Variants in SLC13A4 observed in about 807,000 individuals in gnomAD.
SLC13A4 encodes Na(+)/sulfate cotransporter SUT-1.
A neutral mutation model predicts 72.7 loss-of-function variants in SLC13A4; 28 were observed. The observed-to-expected ratio is 0.39, with a 90% CI of 0.29 to 0.53. The LOEUF (loss-of-function observed/expected upper bound fraction) is 0.53, where lower values mean the gene tolerates loss of function less well. Among genes scored for constraint, SLC13A4 ranks in the 20% least tolerant of loss-of-function variants. The pLI is 0.78. For synonymous variants in SLC13A4, 312 were observed against 325.5 expected, an observed-to-expected ratio of 0.96 and a Z score of 0.45; for missense variants, 653 against 788.0, an observed-to-expected ratio of 0.83 and a Z score of 2.05.
rs1028948078 is a variant in SLC13A4, at chr7:135,727,556, G to A, written c.-60C>T. The stretch of plus-strand genomic sequence containing the variant: ...CCGCTCTGCCGGCGAAAGGCTTCCT[G>A]CCTGGGCACTGCTCTCTATCCAGAA... On this transcript the variant is annotated 5_prime_UTR_variant, in exon 1 of 16. Transcript: ENST00000682651. 5 of 1,515,976 alleles carry A rather than the reference G, an allele frequency of 3.3e-6. No individual in the cohort carries two copies. The highest frequency in any genetic ancestry group is 3.4e-4 in the Middle Eastern group (2 of 5,880). 93.9% of individuals were successfully genotyped at this position (1,515,976 alleles called of 1,614,324 possible). A position where few individuals can be genotyped will look rare whatever the true frequency, so the allele number is the denominator to read the frequency against.
intron 14 of SLC13A4, among the ~76,000 whole-genome samples, chr7:135,684,630 G>A (rs1217564041): frequency 6.7e-6 from 1 of 148,780 alleles, no homozygotes; most frequent in African/African-American, 2.5e-5. Context: ...CAGTCTTAGG[G>A]TACAGAACTA....
At chr7:135,684,663 T>G (rs1488050170) in intron 14 of SLC13A4, among the ~76,000 whole-genome samples, 1 of 151,752 alleles carries the variant, frequency 6.6e-6, no homozygotes, top group Non-Finnish European at 1.5e-5. Context: ...TTTTTTTTTT[T>G]TCCTAGGGAA....
intron 10 of SLC13A4, among the ~76,000 whole-genome samples, 184 bp downstream of exon 10, chr7:135,693,953 G>A (rs967564736): frequency 2.0e-5 from 3 of 152,192 alleles, no homozygotes; most frequent in African/African-American, 7.2e-5. Context: ...AAGGGGAAGG[G>A]TGGCCACCTG....
In SLC13A4 at chr7:135,695,468, C is replaced by A. The variant is rs1283938315; in HGVS notation, c.919G>T (p.Val307Leu). 6 of 1,614,140 alleles carry A rather than the reference C, an allele frequency of 3.7e-6. No individual in the cohort carries two copies. The highest frequency in any genetic ancestry group is 5.1e-6 in the Non-Finnish European group (6 of 1,179,992). The change falls in exon 9 of 16, where the codon GTG (valine) becomes TTG (leucine). Residue 307 changes from valine to leucine, a missense_variant. Val to Leu is a conservative substitution (Grantham distance 32). Transcript: ENST00000682651. ...AGGAACCAGGTGCCAAAGTTCACCA[C>A]CTCTGCGGCTGGATACTGGCTGGAG... ...HFNNQYPAAE[V>L]VNFGTWFLFS...
intron 14 of SLC13A4, 41 bp from the exon 15 acceptor site, chr7:135,684,302 T>C (rs1186348783): frequency 6.4e-7 from 1 of 1,563,654 alleles, no homozygotes; most frequent in South Asian, 1.2e-5. Context: ...GAGATTAGGC[T>C]TGCATTTCCT....
Position 135,684,136 on chromosome 7 carries a change from C to G in SLC13A4, c.1734G>C (p.Gln578His). ...NAIVFSYGHCQIKDMVKAGLG... is the reference protein window; with the variant it reads ...NAIVFSYGHCHIKDMVKAGLG... Reference sequence around the variant, plus strand: ...CACCCCAACTCACCATATCTTTGATCTGGCAGTGCCCATAGCTGAAGACGA... The same window carrying G: ...CACCCCAACTCACCATATCTTTGATGTGGCAGTGCCCATAGCTGAAGACGA... Residue 578 changes from glutamine to histidine, a missense_variant, in exon 15 of 16, where the codon CAG becomes CAC. Gln to His is a conservative substitution (Grantham distance 24, BLOSUM62 0). Coordinates refer to ENST00000682651, the MANE Select transcript of SLC13A4 (RefSeq NM_001318192.2). The G allele has an allele frequency of 6.2e-7, 1 of 1,605,764 alleles. No individual in the cohort carries two copies. Among genetic ancestry groups the G allele is most frequent in the African/African-American group, 1.3e-5 (1 of 74,946 alleles).
At chr7:135,686,533 G>A (rs889771901) in intron 13 of SLC13A4, among the ~76,000 whole-genome samples, 2 of 152,128 alleles carry the variant, frequency 1.3e-5, no homozygotes, top group South Asian at 2.1e-4. Flanking sequence ...ATACCATCAC[G>A]CCCTGCTCTT....
intron 15 of SLC13A4, chr7:135,683,383 A>C (rs923610665): frequency 1.4e-5 from 14 of 979,898 alleles, no homozygotes; most frequent in Non-Finnish European, 1.6e-5. Flanking sequence ...CCTTTCCTCT[A>C]TTTGTTACTT....
At position 135,681,277 on chromosome 7, in the gene SLC13A4, C is replaced by A. The variant is rs1166945458; in HGVS notation, c.*286G>T. ...TTTTTTTTAATTTAATTTTTATTTT[C>A]TTTTTCTTTTTCTGTGAGCCTATGG... On this transcript the variant is annotated 3_prime_UTR_variant, in exon 16 of 16. Transcript: ENST00000682651. 6 of 289,152 alleles carry A rather than the reference C, an allele frequency of 2.1e-5. No individual in the cohort carries two copies. Among genetic ancestry groups the A allele is most frequent in the Admixed American group, 1.0e-4 (2 of 19,508 alleles). The allele number at this position is 289,152 out of a possible 1,614,324, so 17.9% of individuals were successfully genotyped here. A position where few individuals can be genotyped will look rare whatever the true frequency, so the allele number is the denominator to read the frequency against.
intron 2 of SLC13A4, among the ~76,000 whole-genome samples, chr7:135,720,854 A>G (rs562832017): frequency 3.9e-4 from 59 of 152,354 alleles, no homozygotes; most frequent in African/African-American, 1.4e-3. Flanking sequence ...GCGCAAAGAA[A>G]GAAAGTAACC....
At chr7:135,720,458 C>T (rs551581238) in intron 2 of SLC13A4, among the ~76,000 whole-genome samples, 11 of 151,108 alleles carry the variant, frequency 7.3e-5, no homozygotes, top group South Asian at 4.2e-4. Context: ...GAGTGCCTGG[C>T]GCTTAGTAGG....
intron 2 of SLC13A4, 126 bp from the exon 3 acceptor site, chr7:135,708,376 CA>C: frequency 7.6e-7 from 1 of 1,311,160 alleles, no homozygotes; most frequent in South Asian, 1.4e-5. Context: ...GAAGGGGAGG[CA>C]GGGGGGTGAG....
chr7:135,715,072 GTA>G (rs1796385789), intron 2 of SLC13A4, among the ~76,000 whole-genome samples: 1 of 126,752 alleles, frequency 7.9e-6, no homozygotes, highest in African/African-American at 3.1e-5. Context: ...ATGTGTGTGT[GTA>G]TGATGTGTGT....
rs1416357517 is a variant in SLC13A4 at position 135,706,232 on chromosome 7, G to A, written c.434C>T (p.Ala145Val). The A allele has an allele frequency of 3.7e-6, 6 of 1,613,882 alleles. No individual in the cohort carries two copies. The highest frequency in any genetic ancestry group is 5.1e-6 in the Non-Finnish European group (6 of 1,179,868). Residue 145 changes from alanine (A) to valine (V), a missense_variant, in exon 4 of 16, where the codon GCC becomes GTC. By Grantham distance (64) the Ala-to-Val change is moderately conservative (BLOSUM62 0). Transcript: ENST00000682651. ...GGCCTCCACGATGGGCATCACCATG[G>A]CGGTGGTGGAGGTGTTGGACAGCCA... ...SMWLSNTSTT[A>V]MVMPIVEAVL...
intron 14 of SLC13A4, among the ~76,000 whole-genome samples, chr7:135,684,575 C>T (rs1795578869): frequency 6.6e-6 from 1 of 150,892 alleles, no homozygotes; most frequent in African/African-American, 2.4e-5. Context: ...TTTCCTTAAA[C>T]TCAAATCTCA....
At chr7:135,702,607 C>T (rs1796064122) in intron 6 of SLC13A4, 1 of 474,532 alleles carries the variant, frequency 2.1e-6, no homozygotes. Context: ...AACTCCTGGC[C>T]TCAAGTGGTC....
intron 1 of SLC13A4, among the ~76,000 whole-genome samples, chr7:135,724,564 G>T (rs1796615297): frequency 6.6e-6 from 1 of 151,106 alleles, no homozygotes; most frequent in African/African-American, 2.4e-5. Flanking sequence ...CTTTCCCTCT[G>T]CCAGGTGCCT....
intron 3 of SLC13A4, among the ~76,000 whole-genome samples, chr7:135,707,223 C>T (rs1042065870): frequency 6.6e-6 from 1 of 152,108 alleles, no homozygotes; most frequent in Admixed American, 6.6e-5. Context: ...GCAGATAGTA[C>T]ACAGAGATTT....
chr7:135,723,866 G>A (rs1796597358), intron 1 of SLC13A4, among the ~76,000 whole-genome samples: 1 of 151,888 alleles, frequency 6.6e-6, no homozygotes, highest in Non-Finnish European at 1.5e-5. Context: ...TCAGAGGGAA[G>A]ATAAAACTTT....
Sources: gnomAD v4.1 joint callset for allele counts (sites outside exome capture counted in the v4.1 genomes callset) on GRCh38, gnomAD v4.1.1 for gene constraint, MANE v1.5 for transcripts, NCBI Gene and HGNC (gene_info 2026-07-23, HGNC 2026-07-21) for gene names.